NRG4: variants seen among roughly 807,000 people sequenced by gnomAD.
NRG4 encodes neuregulin 4, also known as pro-neuregulin-4, membrane-bound isoform.
NRG4 carries 10 observed loss-of-function variants against 15.0 expected under a neutral mutation model. The observed-to-expected ratio is 0.67, with a 90% CI of 0.41 to 1.13. The LOEUF is 1.13. NRG4 is among the 50% of genes most tolerant of loss of function. The pLI, the probability that NRG4 is intolerant of heterozygous loss-of-function variation, is 0.00. For synonymous variants in NRG4, 41 were observed against 50.1 expected (o/e 0.82, Z 0.77); for missense variants, 139 against 140.2 (o/e 0.99, Z 0.04).
chr15:76,020,181 G>A (rs1014512266), intron 5 of NRG4, among the ~76,000 whole-genome samples: 3 of 152,048 alleles, frequency 2.0e-5, no homozygotes, highest in East Asian at 1.9e-4. Flanking sequence ...TTGACCGACC[G>A]TTCCCCTATC....
chr15:76,027,775 A>G lies in NRG4; in HGVS notation c.-57+8169T>C, dbSNP rs146378070. 6.8e-3 allele frequency among the ~76,000 whole-genome samples: 1,041 copies of G among 152,298 alleles called. 7 individuals are homozygous for G. The highest frequency in any genetic ancestry group is 0.011 in the Non-Finnish European group (750 of 68,016). On this transcript the variant is annotated intron_variant, in intron 5 of 8. Transcript: ENST00000563910. Reference sequence around the variant, plus strand: ...GAACATTCTCCAAAACTGACAACATATTAGGACACAAAACAAGTCTCAAAT... The same window carrying G: ...GAACATTCTCCAAAACTGACAACATGTTAGGACACAAAACAAGTCTCAAAT...
upstream of NRG4, among the ~76,000 whole-genome samples, chr15:76,014,421 A>T (rs1370560314): frequency 6.6e-6 from 1 of 151,956 alleles, no homozygotes; most frequent in African/African-American, 2.4e-5. Context: ...CTTTGCCCAT[A>T]TCTGTGTCCT....
At chr15:76,026,649 A>C (rs1363423877) in intron 5 of NRG4, among the ~76,000 whole-genome samples, 1 of 152,220 alleles carries the variant, frequency 6.6e-6, no homozygotes, top group Non-Finnish European at 1.5e-5. Context: ...AAAGGATTCA[A>C]ACCATTTCAT....
intron 3 of NRG4, among the ~76,000 whole-genome samples, chr15:75,988,375 T>C (rs991558108): frequency 1.3e-5 from 2 of 152,230 alleles, no homozygotes; most frequent in East Asian, 3.9e-4. Context: ...TTAGGAGAGA[T>C]AGGGTTTCAC....
chr15:76,027,497 AATATAT>A (rs71444947), intron 5 of NRG4, among the ~76,000 whole-genome samples: 3 of 148,658 alleles, frequency 2.0e-5, no homozygotes, highest in Admixed American at 1.4e-4. Context: ...ATAACAGTCA[AATATAT>A]ATATATATAT....
intron 3 of NRG4, among the ~76,000 whole-genome samples, chr15:75,997,154 A>G (rs953645563): frequency 1.3e-5 from 2 of 152,162 alleles, no homozygotes; most frequent in Non-Finnish European, 2.9e-5. Flanking sequence ...TCATTTCAGT[A>G]ACATTTCTGT....
intron 4 of NRG4, among the ~76,000 whole-genome samples, chr15:76,044,840 CA>C (rs35017424): frequency 0.037 from 2,310 of 62,504 alleles, 84 homozygotes; most frequent in African/African-American, 0.11. Context: ...GACTCTGTCT[CA>C]AAAAAAAAAA....
At chr15:76,027,682 C>A (rs907293141) in intron 5 of NRG4, among the ~76,000 whole-genome samples, 1 of 152,112 alleles carries the variant, frequency 6.6e-6, no homozygotes, top group African/African-American at 2.4e-5. Context: ...TTAAACTGCA[C>A]CATAGGCTAA....
chr15:76,040,923 T>C (rs1217787931), intron 4 of NRG4, among the ~76,000 whole-genome samples: 1 of 152,168 alleles, frequency 6.6e-6, no homozygotes, highest in Non-Finnish European at 1.5e-5. Context: ...AGACTCTGTC[T>C]CAAATAATAA....
chr15:75,954,880 C>T (rs922323222), intron 5 of NRG4, among the ~76,000 whole-genome samples: 1 of 151,946 alleles, frequency 6.6e-6, no homozygotes, highest in Non-Finnish European at 1.5e-5. Flanking sequence ...TATTTGGAAA[C>T]AATTTGATTC....
chr15:76,022,585 T>G (rs1041159183), intron 5 of NRG4, among the ~76,000 whole-genome samples: 1 of 152,148 alleles, frequency 6.6e-6, no homozygotes, highest in Non-Finnish European at 1.5e-5. Context: ...AGAAGGAAGA[T>G]CTAATGTATT....
chr15:75,997,854 T>C (rs1454924427), intron 3 of NRG4, among the ~76,000 whole-genome samples: 1 of 152,084 alleles, frequency 6.6e-6, no homozygotes, highest in African/African-American at 2.4e-5. Context: ...CTGGCTTGCA[T>C]CCCTTTTGCC....
intron 5 of NRG4, among the ~76,000 whole-genome samples, chr15:76,030,365 G>A (rs1277748132): frequency 1.3e-5 from 2 of 152,114 alleles, no homozygotes; most frequent in Non-Finnish European, 2.9e-5. Flanking sequence ...AAAACAGCAT[G>A]GTTCTGGCAT....
At chr15:76,050,597 A>ATTTTTTTTTTT (rs35228253) in intron 4 of NRG4, among the ~76,000 whole-genome samples, 1 of 108,940 alleles carries the variant, frequency 9.2e-6, no homozygotes, top group African/African-American at 3.8e-5. Context: ...CGCTCGGCTA[A>ATTTTTTTTTTT]TTTTTTTTTT....
intron 3 of NRG4, among the ~76,000 whole-genome samples, chr15:76,005,381 C>CT (rs1235125209): frequency 5.5e-5 from 6 of 109,960 alleles, no homozygotes; most frequent in Admixed American, 1.9e-4. Flanking sequence ...GACTCCGTCT[C>CT]TTAAAAAAAA....
At chr15:76,010,222 T>A (rs2034759658) in intron 2 of NRG4, among the ~76,000 whole-genome samples, 1 of 152,162 alleles carries the variant, frequency 6.6e-6, no homozygotes, top group South Asian at 2.1e-4. Flanking sequence ...GTGAATATCT[T>A]ATCTTCCAGC....
chr15:76,051,157 C>T (rs374407497), intron 4 of NRG4, among the ~76,000 whole-genome samples: 22 of 148,744 alleles, frequency 1.5e-4, no homozygotes, highest in Admixed American at 8.6e-4. Flanking sequence ...AGGCGCCCGC[C>T]ACTACGCCCG....
chr15:76,022,236 A>G (rs947135377), intron 5 of NRG4, among the ~76,000 whole-genome samples: 7 of 152,286 alleles, frequency 4.6e-5, no homozygotes, highest in Non-Finnish European at 1.0e-4. Flanking sequence ...ATAAACGTGT[A>G]CTAAGTGGCC....
In NRG4 at chr15:75,961,898, G is replaced by C; in HGVS notation, c.181C>G (p.Leu61Val). ...PGSSIQTKSNLFEAFVALAVL... is the reference protein window; with the variant it reads ...PGSSIQTKSNVFEAFVALAVL... ...GCCAATGCCACAAAAGCTTCAAACA[G>C]GTTACTTTTAGTTTGGATGCTGGAG... The change falls in exon 4 of 6, where the codon CTG becomes GTG. Residue 61 changes from leucine (L) to valine (V), a missense_variant. Transcript: ENST00000394907. 6.2e-7 allele frequency: 1 copy of C among 1,613,548 alleles called. No homozygotes were observed. Among genetic ancestry groups the C allele is most frequent in the Non-Finnish European group, 8.5e-7 (1 of 1,179,512 alleles).
Sources: gnomAD v4.1 joint callset for allele counts (sites outside exome capture counted in the v4.1 genomes callset) on GRCh38, gnomAD v4.1.1 for gene constraint, MANE v1.5 for transcripts, NCBI Gene and HGNC (gene_info 2026-07-23, HGNC 2026-07-21) for gene names.